TTYH2: variants seen among roughly 807,000 people sequenced by gnomAD.
TTYH2 encodes protein tweety homolog 2.
A neutral mutation model predicts 68.3 loss-of-function variants in TTYH2; 49 were observed. That is an observed-to-expected ratio of 0.72 (90% CI 0.57 to 0.91). TTYH2 has a LOEUF of 0.91. TTYH2 is among the 40% of genes least tolerant of loss of function. The pLI, the probability that TTYH2 is intolerant of heterozygous loss-of-function variation, is 0.00. For missense variants in TTYH2, 631 were observed against 700.4 expected (o/e 0.90, Z 1.12); for synonymous variants, 272 against 300.8 (o/e 0.90, Z 0.99).
At chr17:74,236,839 T>C (rs2050447496) in intron 3 of TTYH2, among the ~76,000 whole-genome samples, 1 of 151,602 alleles carries the variant, frequency 6.6e-6, no homozygotes, top group African/African-American at 2.4e-5. Context: ...AGGCTCGAGA[T>C]CTTCAGGCCT....
intron 13 of TTYH2, among the ~76,000 whole-genome samples, chr17:74,258,285 G>T (rs572397912): frequency 1.3e-5 from 2 of 151,966 alleles, no homozygotes; most frequent in Admixed American, 1.3e-4. Flanking sequence ...GTTTTTTTGA[G>T]ACTGAGTTTC....
In TTYH2 at chr17:74,252,314, C is replaced by T. The variant is rs145446841; in HGVS notation, c.1197C>T (p.Ala399=). The change falls in exon 11 of 14, where the codon GCC becomes GCT. Residue 399 remains alanine, a synonymous_variant. Transcript: ENST00000269346. ...ACCTTGGCCTCTTCTCCTTCCTGGC[C>T]GCCCTCGCCTTCTCCACCATGATCT... ...LLYLGLFSFL[A]ALAFSTMICA... The T allele has an allele frequency of 4.0e-4, 650 of 1,613,814 alleles. 1 individual carries two copies. The highest frequency in any genetic ancestry group is 2.5e-3 in the African/African-American group (187 of 74,944).
At position 74,249,372 on chromosome 17, in the gene TTYH2, C is replaced by T. The variant is rs1307971397; in HGVS notation, c.903C>T (p.Ser301=). 1 of 1,614,106 alleles carries T rather than the reference C, an allele frequency of 6.2e-7. No individual in the cohort carries two copies. The highest frequency in any genetic ancestry group is 8.5e-7 in the Non-Finnish European group (1 of 1,180,028). Reference sequence around the variant, plus strand: ...TGACTCGCTACTACCTGTATTGCAGCCAGAGTGGAAGCAGCCCCTTCCAGC... The same window carrying T: ...TGACTCGCTACTACCTGTATTGCAGTCAGAGTGGAAGCAGCCCCTTCCAGC... The part of the protein sequence containing the change: ...TEVTRYYLYC[S]QSGSSPFQQT... Residue 301 remains serine (S), a synonymous_variant, in exon 8 of 14, where the codon AGC becomes AGT. Transcript: ENST00000269346.
chr17:74,225,857 G>T (rs946750630), intron 2 of TTYH2, among the ~76,000 whole-genome samples: 1 of 152,230 alleles, frequency 6.6e-6, no homozygotes, highest in Non-Finnish European at 1.5e-5. Flanking sequence ...ACAGAGGAGG[G>T]ACAGGTCCAG....
intron 1 of TTYH2, among the ~76,000 whole-genome samples, chr17:74,219,403 A>AAAAAAAAAAAAAAAAAAAAAAG (rs1241503126): frequency 4.7e-5 from 7 of 149,548 alleles, no homozygotes; most frequent in African/African-American, 1.8e-4. Context: ...AAAAAAAAAA[A>AAAAAAAAAAAAAAAAAAAAAAG]GAATAACTTA....
intron 5 of TTYH2, 145 bp from the exon 6 acceptor site, chr17:74,243,832 C>A: frequency 1.4e-6 from 1 of 732,616 alleles, no homozygotes; most frequent in Non-Finnish European, 2.2e-6. Flanking sequence ...ATGGTCCTTT[C>A]CTAGTAGTGA....
chr17:74,249,092 C>A lies in TTYH2; in HGVS notation c.874+12C>A. Reference sequence around the variant, plus strand: ...CCAGATCAGCACAGGTAACTACACACTCTCAGGCTGCTGCTGTGGATGCAT... The same window carrying A: ...CCAGATCAGCACAGGTAACTACACAATCTCAGGCTGCTGCTGTGGATGCAT... On this transcript the variant is annotated intron_variant, in intron 7 of 13. Transcript: ENST00000269346. The A allele has an allele frequency of 6.2e-7, 1 of 1,614,142 alleles. No individual in the cohort carries two copies. The highest frequency in any genetic ancestry group is 8.5e-7 in the Non-Finnish European group (1 of 1,180,002).
rs757584059 is a variant in TTYH2 at position 74,249,349 on chromosome 17, A to T, written c.880A>T (p.Thr294Ser). 1 of 1,613,828 alleles carries T rather than the reference A, an allele frequency of 6.2e-7. No homozygotes were observed. The highest frequency in any genetic ancestry group is 8.5e-7 in the Non-Finnish European group (1 of 1,179,954). The change falls in exon 8 of 14, where the codon ACT (threonine) becomes TCT (serine). Residue 294 changes from threonine (T) to serine (S), a missense_variant. Physicochemically the swap from Thr to Ser is moderately conservative, Grantham distance 58. Coordinates refer to ENST00000269346, the MANE Select transcript of TTYH2 (RefSeq NM_032646.6). Reference protein sequence around the residue: ...VTEGQISTEVTRYYLYCSQSG... With the variant: ...VTEGQISTEVSRYYLYCSQSG... Reference sequence around the variant, plus strand: ...GTTATGCCGTTGCCCTGCAGAGGTGACTCGCTACTACCTGTATTGCAGCCA... The same window carrying T: ...GTTATGCCGTTGCCCTGCAGAGGTGTCTCGCTACTACCTGTATTGCAGCCA...
chr17:74,244,661 C>T (rs1442757889), intron 6 of TTYH2, among the ~76,000 whole-genome samples: 1 of 152,106 alleles, frequency 6.6e-6, no homozygotes, highest in African/African-American at 2.4e-5. Context: ...CTAACACTGG[C>T]GCTAAGCTGT....
chr17:74,255,025 T>C (rs2050679082), intron 13 of TTYH2, among the ~76,000 whole-genome samples: 1 of 152,152 alleles, frequency 6.6e-6, no homozygotes, highest in Non-Finnish European at 1.5e-5. Flanking sequence ...GGGGAGTAGC[T>C]CAGGGTGGGC....
chr17:74,261,621 CGCACACTGAAGCAGGGGCG>C lies in TTYH2; in HGVS notation c.*1413_*1431del, dbSNP rs2050751748. On this transcript the variant is annotated 3_prime_UTR_variant, in exon 14 of 14. Transcript: ENST00000269346. The stretch of plus-strand genomic sequence containing the variant: ...TCACAACACCAGAGCCCCACGGCCT[CGCACACTGAAGCAGGGGCG>C]TGCGGTGACTCGGTGCTTCTGTTTT... 2 of 152,602 alleles carry C rather than the reference CGCACACTGAAGCAGGGGCG, an allele frequency of 1.3e-5. No individual in the cohort carries two copies. Among genetic ancestry groups the C allele is most frequent in the Non-Finnish European group, 2.9e-5 (2 of 68,056 alleles). The allele number at this position is 152,602 out of a possible 1,614,324, so 9.5% of individuals were successfully genotyped here.
chr17:74,256,845 C>T (rs545260164), intron 13 of TTYH2: 3 of 152,318 alleles, frequency 2.0e-5, no homozygotes, highest in African/African-American at 4.8e-5. Flanking sequence ...GACGGGGTTT[C>T]GCCATGCAGG....
rs2143719924 is a variant in TTYH2 at position 74,222,395 on chromosome 17, A to G, written c.130-90A>G. The G allele has an allele frequency of 7.1e-7, 1 of 1,399,910 alleles. No homozygotes were observed. Among genetic ancestry groups the G allele is most frequent in the Non-Finnish European group, 9.6e-7 (1 of 1,038,374 alleles). 86.7% of individuals were successfully genotyped at this position (1,399,910 alleles called of 1,614,324 possible). On this transcript the variant is annotated intron_variant, in intron 1 of 13. Coordinates refer to ENST00000269346, the MANE Select transcript of TTYH2 (RefSeq NM_032646.6). The surrounding 1 kb of genome is among the most constrained non-coding windows in gnomAD (Gnocchi z 5.2). ...GATGGACGAGAGATGCAGCTCAGGC[A>G]GTGGGGCACTCAGGGCCCAAGGGCA...
rs780723019 is a variant in TTYH2, at chr17:74,213,752, GC to G, written c.129+40del. On this transcript the variant is annotated intron_variant, in intron 1 of 13. Coordinates refer to ENST00000269346, the MANE Select transcript of TTYH2 (RefSeq NM_032646.6). This position sits in a 1 kb window ranked among gnomAD's most constrained non-coding sequence, Gnocchi z 6.1. Reference sequence around the variant, plus strand: ...GCCGCCCCAGACCGCAGCCACGCGCGCCCCAAGTCCCCGCACTACCCCCTCT... The same window carrying G: ...GCCGCCCCAGACCGCAGCCACGCGCGCCCAAGTCCCCGCACTACCCCCTCT... 1 of 1,600,762 alleles carries G rather than the reference GC, an allele frequency of 6.2e-7. No homozygotes were observed. Among genetic ancestry groups the G allele is most frequent in the South Asian group, 1.1e-5 (1 of 89,840 alleles).
At chr17:74,256,138 T>C (rs2050691674) in intron 13 of TTYH2, among the ~76,000 whole-genome samples, 2 of 152,136 alleles carry the variant, frequency 1.3e-5, no homozygotes, top group African/African-American at 4.8e-5. Flanking sequence ...ACAAGGTACT[T>C]TGGGACCAGA....
intron 3 of TTYH2, among the ~76,000 whole-genome samples, chr17:74,234,393 C>T (rs2050421554): frequency 6.6e-6 from 1 of 152,212 alleles, no homozygotes; most frequent in Admixed American, 6.5e-5. Context: ...GGTCATCCCA[C>T]CTGTCCCTGC....
chr17:74,226,626 G>A (rs2050332996), intron 2 of TTYH2, among the ~76,000 whole-genome samples: 1 of 152,188 alleles, frequency 6.6e-6, no homozygotes. Flanking sequence ...ACTGAGGTGG[G>A]AGGACACATG....
At chr17:74,218,186 G>T (rs1465068845) in intron 1 of TTYH2, among the ~76,000 whole-genome samples, 4 of 150,494 alleles carry the variant, frequency 2.7e-5, no homozygotes, top group African/African-American at 9.8e-5. Flanking sequence ...AGGGGGAGGG[G>T]GGTGGGCTCC....
Position 74,252,814 on chromosome 17 carries a change from C to T in TTYH2, c.1260-267C>T, listed in dbSNP as rs1171920463. ...ACATGGTGTACAGGCACCTGGTGAGCGGATTAGGCAAGAGGACGCAGGGTA... is the reference window on the plus strand; with the variant it reads ...ACATGGTGTACAGGCACCTGGTGAGTGGATTAGGCAAGAGGACGCAGGGTA... On this transcript the variant is annotated intron_variant, in intron 11 of 13. Coordinates refer to ENST00000269346, the MANE Select transcript of TTYH2 (RefSeq NM_032646.6). 1.9e-4 allele frequency among the ~76,000 whole-genome samples: 29 copies of T among 152,144 alleles called. 1 individual carries two copies. The highest frequency in any genetic ancestry group is 1.9e-3 in the Admixed American group (29 of 15,268).
Sources: allele counts gnomAD v4.1 joint callset (sites outside exome capture counted in the v4.1 genomes callset), GRCh38; gene constraint gnomAD v4.1.1; non-coding constraint Gnocchi (gnomAD v3.1); transcripts MANE v1.5; gene names NCBI Gene and HGNC (gene_info 2026-07-23, HGNC 2026-07-21).